NRG3: variants seen among roughly 807,000 people sequenced by gnomAD.
NRG3 encodes the protein pro-neuregulin-3, membrane-bound isoform.
A neutral mutation model predicts 66.9 loss-of-function variants in NRG3; 31 were observed. The observed-to-expected ratio is 0.46, with a 90% confidence interval of 0.35 to 0.63. NRG3 has a LOEUF of 0.63. NRG3 is among the 20% of genes least tolerant of loss of function. The probability of loss-of-function intolerance (pLI) is 0.00; values close to 1 mark genes in which losing one functional copy is unlikely to be tolerated. For synonymous variants in NRG3, 393 were observed against 359.4 expected, an observed-to-expected ratio of 1.09 and a Z score of -1.06; for missense variants, 910 against 878.9, an observed-to-expected ratio of 1.04 and a Z score of -0.45.
intron 1 of NRG3, among the ~76,000 whole-genome samples, chr10:82,208,152 A>G (rs1244436116): frequency 1.3e-5 from 2 of 152,154 alleles, no homozygotes; most frequent in Admixed American, 6.6e-5. Flanking sequence ...AAATTATATG[A>G]AATGATTTAA....
chr10:82,469,655 A>T (rs762212160), intron 2 of NRG3, among the ~76,000 whole-genome samples: 8 of 152,264 alleles, frequency 5.3e-5, no homozygotes, highest in Admixed American at 2.6e-4. Flanking sequence ...GCCTCTGAGT[A>T]CCTAGGAGCC....
At chr10:82,466,913 C>CAAA (rs77350035) in intron 2 of NRG3, among the ~76,000 whole-genome samples, 2 of 69,372 alleles carry the variant, frequency 2.9e-5, no homozygotes, top group Non-Finnish European at 6.2e-5. Flanking sequence ...GTACCCTGAC[C>CAAA]AAAAAAAAAA....
At chr10:82,805,516 C>T (rs547120235) in intron 3 of NRG3, among the ~76,000 whole-genome samples, 1 of 152,136 alleles carries the variant, frequency 6.6e-6, no homozygotes, top group African/African-American at 2.4e-5. Context: ...TCCTTCCAGA[C>T]CCTGTTTAAA....
intron 2 of NRG3, among the ~76,000 whole-genome samples, chr10:82,382,642 G>A (rs1335342854): frequency 4.0e-5 from 6 of 151,766 alleles, no homozygotes; most frequent in Admixed American, 3.3e-4. Flanking sequence ...CTATTTTATT[G>A]ATCCAGCAGT....
intron 4 of NRG3, among the ~76,000 whole-genome samples, chr10:82,880,604 G>T (rs1387442748): frequency 1.3e-5 from 2 of 152,096 alleles, no homozygotes; most frequent in African/African-American, 2.4e-5. Flanking sequence ...CAAATATGAT[G>T]ATATCCTACT....
At chr10:82,635,888 G>A (rs1449081289) in intron 2 of NRG3, among the ~76,000 whole-genome samples, 5 of 152,124 alleles carry the variant, frequency 3.3e-5, no homozygotes, top group Non-Finnish European at 7.4e-5. Context: ...AAAGTAAAAC[G>A]TTTATGAAGT....
intron 1 of NRG3, among the ~76,000 whole-genome samples, chr10:82,300,881 A>G (rs1444618355): frequency 1.3e-5 from 2 of 152,122 alleles, no homozygotes; most frequent in Non-Finnish European, 2.9e-5. Context: ...CTATAGTCCC[A>G]GCTACTCAGG....
intron 5 of NRG3, among the ~76,000 whole-genome samples, chr10:82,956,108 G>T (rs1592084177): frequency 6.6e-6 from 1 of 151,814 alleles, no homozygotes; most frequent in East Asian, 1.9e-4. Flanking sequence ...TTATCCCAGG[G>T]TCTGCCTTCC....
intron 4 of NRG3, among the ~76,000 whole-genome samples, chr10:82,874,483 T>C (rs1299571581): frequency 1.3e-5 from 2 of 152,034 alleles, no homozygotes; most frequent in Non-Finnish European, 2.9e-5. Context: ...ATTATATTTC[T>C]GTATAGAATA....
chr10:82,558,793 T>C (rs2044827025), intron 2 of NRG3, among the ~76,000 whole-genome samples: 1 of 152,194 alleles, frequency 6.6e-6, no homozygotes, highest in Non-Finnish European at 1.5e-5. Flanking sequence ...CAGGTTTGTG[T>C]TGTCTAACAG....
chr10:82,437,003 G>A lies in NRG3; in HGVS notation c.953+78135G>A, dbSNP rs568969350. 2.0e-5 allele frequency among the ~76,000 whole-genome samples: 3 copies of A among 152,134 alleles called. No individual in the cohort carries two copies. The East Asian group carries it at 5.8e-4, about 30-fold the overall frequency. On this transcript the variant is annotated intron_variant, in intron 2 of 8. Coordinates refer to ENST00000372141, the MANE Select transcript of NRG3 (RefSeq NM_001010848.4). The stretch of plus-strand genomic sequence containing the variant: ...TCATTTTAACCTTGGAGAATCTGAC[G>A]ATTATGTGTCTTGGGGTTGATCTTC...
intron 1 of NRG3, among the ~76,000 whole-genome samples, chr10:82,190,099 G>A (rs533272802): frequency 1.3e-5 from 2 of 152,260 alleles, no homozygotes; most frequent in Admixed American, 1.3e-4. Context: ...GTCATTGCAG[G>A]CCATGTGTCT....
At chr10:82,354,409 T>G (rs2083645795) in intron 1 of NRG3, among the ~76,000 whole-genome samples, 1 of 146,138 alleles carries the variant, frequency 6.8e-6, no homozygotes, top group Non-Finnish European at 1.5e-5. Context: ...TTTTTTTTTT[T>G]GACAGAGTTT....
At chr10:82,669,356 G>A (rs1244044106) in intron 2 of NRG3, among the ~76,000 whole-genome samples, 1 of 151,602 alleles carries the variant, frequency 6.6e-6, no homozygotes, top group Non-Finnish European at 1.5e-5. Flanking sequence ...GGTGCTTTGG[G>A]GCAATGCGCA....
At chr10:82,733,015 C>T (rs1478800045) in intron 2 of NRG3, among the ~76,000 whole-genome samples, 1 of 152,150 alleles carries the variant, frequency 6.6e-6, no homozygotes, top group Non-Finnish European at 1.5e-5. Context: ...GAGTAAAGGC[C>T]ATTTTTTTTC....
intron 1 of NRG3, among the ~76,000 whole-genome samples, chr10:82,067,550 G>A (rs1244534692): frequency 4.6e-5 from 7 of 152,176 alleles, no homozygotes; most frequent in African/African-American, 1.4e-4. Context: ...TTTTCGCCAT[G>A]TTGGCCAGGC....
intron 4 of NRG3, among the ~76,000 whole-genome samples, chr10:82,876,786 G>GC (rs1483295817): frequency 8.5e-5 from 13 of 152,130 alleles, no homozygotes; most frequent in Non-Finnish European, 1.5e-4. Flanking sequence ...CAGTTGGGAG[G>GC]CCGAGGCAGG....
chr10:82,052,140 A>G (rs1480785855), intron 1 of NRG3, among the ~76,000 whole-genome samples: 2 of 152,012 alleles, frequency 1.3e-5, no homozygotes, highest in Non-Finnish European at 1.5e-5. Flanking sequence ...GATAATTGCA[A>G]TACTAAACAC....
At chr10:82,407,967 G>A (rs2087660887) in intron 2 of NRG3, among the ~76,000 whole-genome samples, 1 of 150,938 alleles carries the variant, frequency 6.6e-6, no homozygotes, top group African/African-American at 2.4e-5. Context: ...TACTCAGGAG[G>A]CTGAGGCAGG....
Sources: gnomAD v4.1 joint callset for allele counts (sites outside exome capture counted in the v4.1 genomes callset) on GRCh38, gnomAD v4.1.1 for gene constraint, MANE v1.5 for transcripts, NCBI Gene and HGNC (gene_info 2026-07-23, HGNC 2026-07-21) for gene names.